The following CNTN5 variants were observed in gnomAD, a reference collection of about 807,000 sequenced individuals.
The protein encoded by CNTN5 is contactin-5.
Under a neutral mutation model 129.1 loss-of-function variants are expected in CNTN5, and 77 were observed. The ratio of observed to expected loss-of-function variants is 0.60; its 90% confidence interval spans 0.50 to 0.72. The LOEUF (loss-of-function observed/expected upper bound fraction) is 0.72, where lower values mean the gene tolerates loss of function less well. Ranked by LOEUF, CNTN5 falls within the 30% of genes least tolerant of loss-of-function variation. CNTN5 has a pLI of 0.00. For synonymous variants in CNTN5, 509 were observed against 465.6 expected (o/e 1.09, Z -1.20); for missense variants, 1,478 against 1,328.8 (o/e 1.11, Z -1.75).
chr11:100,204,234 A>T (rs1020534542), intron 15 of CNTN5, among the ~76,000 whole-genome samples: 5 of 142,560 alleles, frequency 3.5e-5, no homozygotes, highest in Non-Finnish European at 7.7e-5. Context: ...ATCAGTAGAC[A>T]TAGGAGTATA....
chr11:100,214,660 T>C (rs1034777732), intron 15 of CNTN5, among the ~76,000 whole-genome samples: 2 of 152,194 alleles, frequency 1.3e-5, no homozygotes, highest in Admixed American at 6.5e-5. Flanking sequence ...CTTCCAGCTT[T>C]CACTAGTAGT....
intron 1 of CNTN5, among the ~76,000 whole-genome samples, chr11:99,150,539 T>C (rs930833133): frequency 6.6e-6 from 1 of 151,994 alleles, no homozygotes; most frequent in Non-Finnish European, 1.5e-5. Context: ...AAAATTGTGA[T>C]TGAAGAAAAT....
chr11:99,710,382 T>G (rs6590280), intron 3 of CNTN5, among the ~76,000 whole-genome samples: 44,077 of 151,798 alleles, frequency 0.29, 6,506 homozygotes, highest in South Asian at 0.36. Flanking sequence ...CTCATAAAAC[T>G]ACTACAGCCA....
chr11:99,446,644 T>C (rs1944084973), intron 2 of CNTN5, among the ~76,000 whole-genome samples: 1 of 152,202 alleles, frequency 6.6e-6, no homozygotes, highest in Non-Finnish European at 1.5e-5. Context: ...ATTTGAAAAG[T>C]GATTTATAGA....
At chr11:99,583,810 A>C (rs1949700633) in intron 3 of CNTN5, among the ~76,000 whole-genome samples, 1 of 152,046 alleles carries the variant, frequency 6.6e-6, no homozygotes, top group Non-Finnish European at 1.5e-5. Flanking sequence ...TGGCTCATGC[A>C]TGGTGTGCTG....
chr11:99,127,145 A>G (rs1858678474), intron 1 of CNTN5, among the ~76,000 whole-genome samples: 2 of 152,164 alleles, frequency 1.3e-5, no homozygotes, highest in Admixed American at 6.6e-5. Flanking sequence ...TCAAATTCAC[A>G]TGCCCCAAAC....
chr11:99,795,588 C>CTT (rs35521565), intron 3 of CNTN5, among the ~76,000 whole-genome samples: 37,903 of 142,904 alleles, frequency 0.27, 5,352 homozygotes, highest in East Asian at 0.49. Flanking sequence ...TCCTTTAGAT[C>CTT]TTTTTTTTTT....
At chr11:100,007,953 G>T (rs1940296459) in intron 9 of CNTN5, among the ~76,000 whole-genome samples, 2 of 151,882 alleles carry the variant, frequency 1.3e-5, no homozygotes, top group African/African-American at 4.8e-5. Flanking sequence ...CCATTGTAGG[G>T]TTATTAATTG....
chr11:99,882,823 T>A (rs1038730364), intron 6 of CNTN5, among the ~76,000 whole-genome samples: 9 of 152,150 alleles, frequency 5.9e-5, no homozygotes, highest in Non-Finnish European at 1.5e-5. Context: ...TCTGACTACT[T>A]TTTTTGTGCC....
At chr11:99,409,727 T>G (rs1002051850) in intron 2 of CNTN5, among the ~76,000 whole-genome samples, 3 of 152,320 alleles carry the variant, frequency 2.0e-5, no homozygotes, top group South Asian at 4.1e-4. Flanking sequence ...CTCGTTGAAT[T>G]GCTTAGAGGT....
intron 6 of CNTN5, among the ~76,000 whole-genome samples, chr11:99,874,982 A>G (rs986439604): frequency 1.3e-5 from 2 of 152,114 alleles, no homozygotes; most frequent in African/African-American, 4.8e-5. Flanking sequence ...TTTCTTCTAG[A>G]AGGTCTAGTT....
At chr11:100,121,196 G>T (rs1946009424) in intron 13 of CNTN5, among the ~76,000 whole-genome samples, 1 of 152,018 alleles carries the variant, frequency 6.6e-6, no homozygotes, top group East Asian at 1.9e-4. Flanking sequence ...TACAGGAGAG[G>T]GGAGAAGAGG....
At chr11:99,224,550 C>T (rs774774887) in intron 1 of CNTN5, among the ~76,000 whole-genome samples, 3 of 151,400 alleles carry the variant, frequency 2.0e-5, no homozygotes, top group African/African-American at 4.9e-5. Context: ...GTAGCACGGG[C>T]GTCATTACTT....
chr11:99,711,376 A>G (rs1488961869), intron 3 of CNTN5, among the ~76,000 whole-genome samples: 5 of 151,908 alleles, frequency 3.3e-5, no homozygotes, highest in Non-Finnish European at 5.9e-5. Flanking sequence ...TACCTAACTT[A>G]CTTTTACTTA....
intron 3 of CNTN5, among the ~76,000 whole-genome samples, chr11:99,620,508 CT>C (rs71050006): frequency 0.15 from 16,467 of 106,916 alleles, 857 homozygotes; most frequent in Non-Finnish European, 0.22. Context: ...TTTTTCTTTT[CT>C]TTTTTTTTTT....
chr11:99,516,453 A>G (rs1284317986), intron 2 of CNTN5, among the ~76,000 whole-genome samples: 1 of 152,118 alleles, frequency 6.6e-6, no homozygotes, highest in African/African-American at 2.4e-5. Flanking sequence ...TGAAAAGAGC[A>G]CTTTTCAGGT....
At chr11:100,248,139 G>A (rs1269876349) in intron 16 of CNTN5, among the ~76,000 whole-genome samples, 1 of 152,096 alleles carries the variant, frequency 6.6e-6, no homozygotes, top group Non-Finnish European at 1.5e-5. Flanking sequence ...ACTGGATAAC[G>A]AGCATATTTG....
Position 99,614,910 on chromosome 11 carries a change from GAATTT to G in CNTN5, c.55+58644_55+58648del, listed in dbSNP as rs546659339. ...GATGAACTTTCTCAAGAACAAGGTA[GAATTT>G]AAGTTTTTCCTAAGAATGGCCGTAC... On this transcript the variant is annotated intron_variant, in intron 3 of 24. Transcript: ENST00000524871. Among the ~76,000 whole-genome samples, 468 of 151,886 alleles carry G rather than the reference GAATTT, an allele frequency of 3.1e-3. 1 individual carries two copies. Among genetic ancestry groups the G allele is most frequent in the Non-Finnish European group, 5.1e-3 (347 of 67,938 alleles).
intron 3 of CNTN5, among the ~76,000 whole-genome samples, chr11:99,578,318 A>T (rs1337489784): frequency 6.6e-6 from 1 of 151,548 alleles, no homozygotes; most frequent in Non-Finnish European, 1.5e-5. Context: ...TGGCAGCATG[A>T]TTTATAATCC....
Sources: allele counts gnomAD v4.1 joint callset (sites outside exome capture counted in the v4.1 genomes callset), GRCh38; gene constraint gnomAD v4.1.1; transcripts MANE v1.5; gene names NCBI Gene and HGNC (gene_info 2026-07-23, HGNC 2026-07-21).